PACRG: variants seen among roughly 807,000 people sequenced by gnomAD.
The protein encoded by PACRG is parkin coregulated gene protein.
A neutral mutation model predicts 29.7 loss-of-function variants in PACRG; 29 were observed. That is an observed-to-expected ratio of 0.98 (90% CI 0.73 to 1.33). PACRG has a LOEUF of 1.33. PACRG is among the 40% of genes most tolerant of loss of function. PACRG has a pLI of 0.00. For missense variants in PACRG, 279 were observed against 316.2 expected (o/e 0.88, Z 0.89); for synonymous variants, 116 against 118.7 (o/e 0.98, Z 0.15).
intron 2 of PACRG, among the ~76,000 whole-genome samples, chr6:162,938,566 G>A (rs1246243221): frequency 6.6e-6 from 1 of 151,764 alleles, no homozygotes; most frequent in Non-Finnish European, 1.5e-5. Flanking sequence ...GCTCTTTAAG[G>A]AACTGCCACA....
intron 4 of PACRG, among the ~76,000 whole-genome samples, chr6:163,130,446 C>T (rs1257033692): frequency 6.6e-6 from 1 of 152,154 alleles, no homozygotes; most frequent in African/African-American, 2.4e-5. Context: ...TCCTTTCTTT[C>T]CTACTTTCTT....
At chr6:163,155,419 T>C (rs527455286) in intron 4 of PACRG, among the ~76,000 whole-genome samples, 1 of 152,308 alleles carries the variant, frequency 6.6e-6, no homozygotes, top group Admixed American at 6.5e-5. Flanking sequence ...TATGGGACGC[T>C]GGGGAGAGAA....
Position 163,153,181 on chromosome 6 carries a change from T to C in PACRG, c.613+63773T>C, listed in dbSNP as rs944566818. On this transcript the variant is annotated intron_variant, in intron 4 of 4. Coordinates refer to ENST00000366888, the MANE Select transcript of PACRG (RefSeq NM_001080379.2). Reference sequence around the variant, plus strand: ...AAGAAAATCTTCAGATTGAAACTTATCCTTTAAGCATAAAAGTATAGTCAG... The same window carrying C: ...AAGAAAATCTTCAGATTGAAACTTACCCTTTAAGCATAAAAGTATAGTCAG... Among the ~76,000 whole-genome samples the C allele has an allele frequency of 2.0e-5, 3 of 152,342 alleles. No individual in the cohort carries two copies. In the East Asian group the frequency reaches 5.8e-4, roughly 29 times the overall value.
At chr6:163,035,026 G>C (rs1808030233) in intron 2 of PACRG, among the ~76,000 whole-genome samples, 1 of 152,144 alleles carries the variant, frequency 6.6e-6, no homozygotes, top group Non-Finnish European at 1.5e-5. Context: ...GTAACTTCCT[G>C]ATGTTGCCAT....
At chr6:163,134,310 G>A (rs553026322) in intron 4 of PACRG, among the ~76,000 whole-genome samples, 4 of 152,230 alleles carry the variant, frequency 2.6e-5, no homozygotes, top group Admixed American at 6.5e-5. Context: ...AAAGTTTGGC[G>A]TCTCGGGGCT....
intron 4 of PACRG, among the ~76,000 whole-genome samples, chr6:163,161,543 T>C (rs1778556724): frequency 6.6e-6 from 1 of 152,254 alleles, no homozygotes; most frequent in African/African-American, 2.4e-5. Context: ...GATCTTGCTA[T>C]TGAGAACCAT....
At chr6:163,117,790 C>T (rs1816079404) in intron 4 of PACRG, among the ~76,000 whole-genome samples, 1 of 151,078 alleles carries the variant, frequency 6.6e-6, no homozygotes, top group Non-Finnish European at 1.5e-5. Context: ...AAAAGGGAGG[C>T]AAGGTCACTA....
chr6:162,729,729 G>A (rs970342689), intron 1 of PACRG, among the ~76,000 whole-genome samples: 3 of 151,142 alleles, frequency 2.0e-5, no homozygotes, highest in African/African-American at 7.3e-5. Context: ...TTTACTGGTT[G>A]GGGTTCTTTT....
chr6:162,874,244 T>A (rs1793097074), intron 2 of PACRG, among the ~76,000 whole-genome samples: 1 of 151,734 alleles, frequency 6.6e-6, no homozygotes, highest in African/African-American at 2.4e-5. Context: ...CCCCTCCAAA[T>A]TCTGAGATGG....
At chr6:163,023,296 G>T (rs1806815735) in intron 2 of PACRG, among the ~76,000 whole-genome samples, 1 of 152,122 alleles carries the variant, frequency 6.6e-6, no homozygotes, top group Non-Finnish European at 1.5e-5. Flanking sequence ...TCAGTGCTTA[G>T]CTCCCACTTA....
chr6:163,111,473 C>T (rs952574816), intron 4 of PACRG, among the ~76,000 whole-genome samples: 1 of 152,184 alleles, frequency 6.6e-6, no homozygotes, highest in African/African-American at 2.4e-5. Context: ...CTGCCTGGAG[C>T]AAAATAATAT....
At chr6:162,790,976 G>A (rs1784885936) in intron 1 of PACRG, among the ~76,000 whole-genome samples, 1 of 152,178 alleles carries the variant, frequency 6.6e-6, no homozygotes, top group South Asian at 2.1e-4. Context: ...TTTTTCTAAA[G>A]GAGAAACATA....
At chr6:162,936,306 T>C (rs1174746480) in intron 2 of PACRG, among the ~76,000 whole-genome samples, 1 of 152,142 alleles carries the variant, frequency 6.6e-6, no homozygotes, top group Admixed American at 6.5e-5. Flanking sequence ...CGAAACTCTA[T>C]CGAGTGCTCA....
chr6:162,741,622 A>G (rs1317372326), intron 1 of PACRG, among the ~76,000 whole-genome samples: 1 of 152,194 alleles, frequency 6.6e-6, no homozygotes, highest in Admixed American at 6.5e-5. Flanking sequence ...CCATCTTAAA[A>G]TACTTCACAT....
chr6:163,036,875 TCCATCC>T (rs1446882096), intron 2 of PACRG, among the ~76,000 whole-genome samples: 1 of 148,994 alleles, frequency 6.7e-6, no homozygotes, highest in African/African-American at 2.5e-5. Context: ...CATCCATCCA[TCCATCC>T]ATCCATCCAT....
At chr6:162,946,208 G>GA (rs1798992911) in intron 2 of PACRG, among the ~76,000 whole-genome samples, 1 of 151,284 alleles carries the variant, frequency 6.6e-6, no homozygotes. Context: ...TCAAAACATT[G>GA]TTTTAAAGAT....
intron 2 of PACRG, among the ~76,000 whole-genome samples, chr6:162,950,023 A>G (rs1290295091): frequency 1.3e-5 from 2 of 152,170 alleles, no homozygotes; most frequent in African/African-American, 2.4e-5. Context: ...TGATTTTGCA[A>G]TGGTACATAT....
At chr6:163,169,850 G>A (rs968160242) in intron 4 of PACRG, among the ~76,000 whole-genome samples, 4 of 152,230 alleles carry the variant, frequency 2.6e-5, no homozygotes, top group African/African-American at 9.6e-5. Flanking sequence ...CTTTCTCACA[G>A]TGCTGGAGGC....
intron 2 of PACRG, among the ~76,000 whole-genome samples, chr6:162,958,355 C>T (rs922595832): frequency 1.3e-5 from 2 of 152,072 alleles, no homozygotes; most frequent in African/African-American, 4.8e-5. Flanking sequence ...GGATTTTTTA[C>T]AGCCTATCTC....
Sources: allele counts gnomAD v4.1 joint callset (sites outside exome capture counted in the v4.1 genomes callset), GRCh38; gene constraint gnomAD v4.1.1; transcripts MANE v1.5; gene names NCBI Gene and HGNC (gene_info 2026-07-23, HGNC 2026-07-21).